Variants in PITPNB observed in about 807,000 individuals in gnomAD.
PITPNB encodes the protein phosphatidylinositol transfer protein beta.
Under a neutral mutation model 45.9 loss-of-function variants are expected in PITPNB, and 16 were observed. That is an observed-to-expected ratio of 0.35 (90% CI 0.24 to 0.53). PITPNB has a LOEUF of 0.53. Among genes scored for constraint, PITPNB ranks in the 20% least tolerant of loss-of-function variants. The pLI, the probability that PITPNB is intolerant of heterozygous loss-of-function variation, is 0.93. For missense variants in PITPNB, 188 were observed against 330.5 expected, an observed-to-expected ratio of 0.57 and a Z score of 3.34; for synonymous variants, 112 against 108.9, an observed-to-expected ratio of 1.03 and a Z score of -0.18.
intron 7 of PITPNB, among the ~76,000 whole-genome samples, chr22:27,884,783 T>G (rs1935068920): frequency 6.6e-6 from 1 of 152,210 alleles, no homozygotes; most frequent in South Asian, 2.1e-4. Flanking sequence ...AATTTAATGC[T>G]TTTATATCAT....
In PITPNB at chr22:27,908,578, C is replaced by G. The variant is rs1935829524; in HGVS notation, c.197+2386G>C. Among the ~76,000 whole-genome samples, 3 of 152,018 alleles carry G rather than the reference C, an allele frequency of 2.0e-5. 1 individual carries two copies. The highest frequency in any genetic ancestry group is 6.8e-3 in the Middle Eastern group (2 of 294). On this transcript the variant is annotated intron_variant, in intron 3 of 11. Coordinates refer to ENST00000335272, the MANE Select transcript of PITPNB (RefSeq NM_012399.5). ...TCAAACTTTTTGGCTTATTTTAGAA[C>G]CCCCAGGAAGAGTCCAGTGTCTTTA...
At chr22:27,903,958 T>C (rs1054895590) in intron 3 of PITPNB, among the ~76,000 whole-genome samples, 8 of 151,724 alleles carry the variant, frequency 5.3e-5, no homozygotes, top group Admixed American at 5.2e-4. Flanking sequence ...TCACACACAC[T>C]AGAATGCTTG....
intron 8 of PITPNB, among the ~76,000 whole-genome samples, chr22:27,873,263 G>C (rs1193614644): frequency 3.3e-5 from 5 of 152,168 alleles, no homozygotes; most frequent in African/African-American, 1.2e-4. Flanking sequence ...GTGAAACTCT[G>C]TCTCAAAAAC....
chr22:27,909,380 TA>T (rs1424787261), intron 3 of PITPNB, among the ~76,000 whole-genome samples: 1 of 151,936 alleles, frequency 6.6e-6, no homozygotes, highest in Non-Finnish European at 1.5e-5. Flanking sequence ...TTTTTTGTTT[TA>T]AAATATTTAT....
In PITPNB at chr22:27,851,846, G is replaced by A. The variant is rs1304452088; in HGVS notation, c.*1856C>T. On this transcript the variant is annotated 3_prime_UTR_variant, in exon 12 of 12. Coordinates refer to ENST00000335272, the MANE Select transcript of PITPNB (RefSeq NM_012399.5). ...ATGCGCCGGGCTCTCATTTCCATGT[G>A]CGCCTAAGCTCCCAATGATACTACA... 1 of 152,118 alleles carries A rather than the reference G, an allele frequency of 6.6e-6. No homozygotes were observed. The highest frequency in any genetic ancestry group is 1.5e-5 in the Non-Finnish European group (1 of 68,028). 9.4% of individuals were successfully genotyped at this position (152,118 alleles called of 1,614,324 possible).
chr22:27,856,291 TTGTC>T (rs1363924823), intron 10 of PITPNB, among the ~76,000 whole-genome samples: 3 of 152,208 alleles, frequency 2.0e-5, no homozygotes, highest in Non-Finnish European at 4.4e-5. Context: ...GGGCTTTTAC[TTGTC>T]TATCTTACAC....
At position 27,918,788 on chromosome 22, in the gene PITPNB, G is replaced by C. The variant is rs183286705; in HGVS notation, c.20+384C>G. ...GACAAATCACAGTCAGAACCAACGT[G>C]TCTCTCCCACCCTCGGACTGCGGCT... On this transcript the variant is annotated intron_variant, in intron 1 of 11. Coordinates refer to ENST00000335272, the MANE Select transcript of PITPNB (RefSeq NM_012399.5). Among the ~76,000 whole-genome samples, 53 of 152,268 alleles carry C rather than the reference G, an allele frequency of 3.5e-4. No homozygotes were observed. In the East Asian group the frequency reaches 9.3e-3, roughly 27 times the overall value.
At chr22:27,910,829 C>A in intron 3 of PITPNB, 135 bp downstream of exon 3, 1 of 632,268 alleles carries the variant, frequency 1.6e-6, no homozygotes, top group Non-Finnish European at 2.8e-6. Context: ...GGAGGTTCTG[C>A]CAAAGAATTA....
At chr22:27,869,216 A>G (rs1191740725) in intron 8 of PITPNB, among the ~76,000 whole-genome samples, 1 of 152,200 alleles carries the variant, frequency 6.6e-6, no homozygotes, top group Non-Finnish European at 1.5e-5. Context: ...TACTATGCAC[A>G]CAGTCACTTC....
intron 1 of PITPNB, among the ~76,000 whole-genome samples, chr22:27,917,789 T>A (rs534459576): frequency 3.9e-5 from 6 of 152,102 alleles, no homozygotes; most frequent in African/African-American, 9.6e-5. Flanking sequence ...AGGAGAAAAA[T>A]AATAATAATA....
At position 27,895,774 on chromosome 22, in the gene PITPNB, T is replaced by C. The variant is rs540477699; in HGVS notation, c.372+778A>G. On this transcript the variant is annotated intron_variant, in intron 6 of 11. Transcript: ENST00000335272. ...CATTAACCTACTCTCCTGGAATGAATGTGCATCAGAAAACAGAAACTGCTG... is the reference window on the plus strand; with the variant it reads ...CATTAACCTACTCTCCTGGAATGAACGTGCATCAGAAAACAGAAACTGCTG... Among the ~76,000 whole-genome samples, 6 of 152,306 alleles carry C rather than the reference T, an allele frequency of 3.9e-5. 1 individual carries two copies. Among genetic ancestry groups the C allele is most frequent in the East Asian group, 3.9e-4 (2 of 5,190 alleles).
chr22:27,896,832 T>C (rs1199507936), intron 5 of PITPNB: 5 of 604,550 alleles, frequency 8.3e-6, no homozygotes, highest in South Asian at 2.1e-5. Context: ...ATTTAAACAA[T>C]TCTACTTGCC....
chr22:27,868,044 T>C (rs1273019772), intron 8 of PITPNB, among the ~76,000 whole-genome samples: 1 of 152,174 alleles, frequency 6.6e-6, no homozygotes, highest in African/African-American at 2.4e-5. Context: ...TTATTATACA[T>C]AATCCAAAAT....
rs533802502 is a variant in PITPNB, at chr22:27,905,262, C to T, written c.197+5702G>A. ...TCCCAGGTTCAAGCAATCCTCCTGCCTCAGCCTCCCAAGTAGCTGGGATTA... is the reference window on the plus strand; with the variant it reads ...TCCCAGGTTCAAGCAATCCTCCTGCTTCAGCCTCCCAAGTAGCTGGGATTA... On this transcript the variant is annotated intron_variant, in intron 3 of 11. Coordinates refer to ENST00000335272, the MANE Select transcript of PITPNB (RefSeq NM_012399.5). 3.2e-4 allele frequency among the ~76,000 whole-genome samples: 49 copies of T among 152,328 alleles called. No homozygotes were observed. The Middle Eastern group carries it at 0.01, about 32-fold the overall frequency.
chr22:27,873,030 G>A (rs1472131446), intron 8 of PITPNB, among the ~76,000 whole-genome samples: 4 of 152,236 alleles, frequency 2.6e-5, no homozygotes, highest in African/African-American at 4.8e-5. Context: ...CACTTTGGGA[G>A]GCCAGGGCGG....
rs114103712 is a variant in PITPNB, at chr22:27,886,039, C to T, written c.456+8516G>A. Among the ~76,000 whole-genome samples, 1,036 of 152,238 alleles carry T rather than the reference C, an allele frequency of 6.8e-3. 7 individuals carry two copies. The highest frequency in any genetic ancestry group is 0.023 in the African/African-American group (939 of 41,538). On this transcript the variant is annotated intron_variant, in intron 7 of 11. Coordinates refer to ENST00000335272, the MANE Select transcript of PITPNB (RefSeq NM_012399.5). ...CAAGGGGCTCTGAGGATGGAGAGGGCGTGAGGTGTGTCCTGCTGGAGCATG... is the reference window on the plus strand; with the variant it reads ...CAAGGGGCTCTGAGGATGGAGAGGGTGTGAGGTGTGTCCTGCTGGAGCATG...
At chr22:27,908,655 A>G (rs1935831945) in intron 3 of PITPNB, among the ~76,000 whole-genome samples, 3 of 152,152 alleles carry the variant, frequency 2.0e-5, no homozygotes, top group Admixed American at 2.0e-4. Context: ...GGTAAATGCA[A>G]AAATGCTAGA....
chr22:27,915,861 A>C (rs1936060068), intron 1 of PITPNB, among the ~76,000 whole-genome samples: 1 of 152,216 alleles, frequency 6.6e-6, no homozygotes, highest in Non-Finnish European at 1.5e-5. Context: ...AAATCCATTA[A>C]ATTCATCAGG....
intron 7 of PITPNB, among the ~76,000 whole-genome samples, chr22:27,888,538 T>C (rs989005598): frequency 2.6e-5 from 4 of 152,232 alleles, no homozygotes; most frequent in Non-Finnish European, 5.9e-5. Flanking sequence ...TCATAGTGTT[T>C]AGTTTCATCA....
Sources: gnomAD v4.1 joint callset for allele counts (sites outside exome capture counted in the v4.1 genomes callset) on GRCh38, gnomAD v4.1.1 for gene constraint, MANE v1.5 for transcripts, NCBI Gene and HGNC (gene_info 2026-07-23, HGNC 2026-07-21) for gene names.